LRP1B: variants seen among roughly 807,000 people sequenced by gnomAD.
The protein encoded by LRP1B is low-density lipoprotein receptor-related protein 1B.
LRP1B carries 217 observed loss-of-function variants against 556.6 expected under a neutral mutation model. The ratio of observed to expected loss-of-function variants is 0.39; its 90% CI spans 0.35 to 0.44. LRP1B has a LOEUF of 0.44. Ranked by LOEUF, LRP1B falls within the 20% of genes least tolerant of loss-of-function variation. The probability of loss-of-function intolerance (pLI) is 1.00; values close to 1 mark genes in which losing one functional copy is unlikely to be tolerated. For missense variants in LRP1B, 5,053 were observed against 5,620.8 expected (o/e 0.90, Z 3.23); for synonymous variants, 2,047 against 1,865.8 (o/e 1.10, Z -2.50).
At chr2:141,226,973 C>G (rs1316807896) in intron 6 of LRP1B, among the ~76,000 whole-genome samples, 1 of 152,116 alleles carries the variant, frequency 6.6e-6, no homozygotes. Context: ...TAAAATATTT[C>G]CAGTGAACTT....
chr2:140,756,371 C>A (rs1369949858), intron 35 of LRP1B, among the ~76,000 whole-genome samples: 1 of 151,930 alleles, frequency 6.6e-6, no homozygotes, highest in Non-Finnish European at 1.5e-5. Flanking sequence ...TCAAAAATAA[C>A]CAAAAAAGTC....
intron 3 of LRP1B, among the ~76,000 whole-genome samples, chr2:141,351,912 T>C (rs1254810157): frequency 6.6e-6 from 1 of 151,732 alleles, no homozygotes; most frequent in Non-Finnish European, 1.5e-5. Context: ...AGAGAAAGGA[T>C]CACAGATGGA....
At chr2:140,363,855 TTTTC>T (rs1442257118) in intron 72 of LRP1B, among the ~76,000 whole-genome samples, 1 of 151,648 alleles carries the variant, frequency 6.6e-6, no homozygotes, top group Non-Finnish European at 1.5e-5. Context: ...TCATGCTGTA[TTTTC>T]TTTATTTACC....
At chr2:140,330,232 TAA>T (rs1200627205) in intron 79 of LRP1B, among the ~76,000 whole-genome samples, 1 of 137,440 alleles carries the variant, frequency 7.3e-6, no homozygotes, top group East Asian at 2.0e-4. Context: ...ATAATAATAA[TAA>T]TAATAATATG....
rs188349371 is a variant in LRP1B, at chr2:141,222,680, A to G, written c.850+6503T>C. On this transcript the variant is annotated intron_variant, in intron 6 of 90. Transcript: ENST00000389484. ...CAGCAGCACATCCAAAAGTTTATCT[A>G]CCACAATCAAGTTGGCTTCATTACT... 1.6e-3 allele frequency among the ~76,000 whole-genome samples: 238 copies of G among 152,304 alleles called. 1 individual carries two copies. Among genetic ancestry groups the G allele is most frequent in the African/African-American group, 4.8e-3 (200 of 41,576 alleles).
At position 141,223,804 on chromosome 2, in the gene LRP1B, T is replaced by C. The variant is rs148782709; in HGVS notation, c.850+5379A>G. Among the ~76,000 whole-genome samples the C allele has an allele frequency of 6.5e-3, 985 of 152,262 alleles. 10 individuals carry two copies. The highest frequency in any genetic ancestry group is 0.026 in the Admixed American group (405 of 15,290). Reference sequence around the variant, plus strand: ...GGGAAATGATTCCCTATTTAATAAATGGTGCTGGGCAAACTGGCTAGCCAT... The same window carrying C: ...GGGAAATGATTCCCTATTTAATAAACGGTGCTGGGCAAACTGGCTAGCCAT... On this transcript the variant is annotated intron_variant, in intron 6 of 90. Coordinates refer to ENST00000389484, the MANE Select transcript of LRP1B (RefSeq NM_018557.3).
chr2:141,298,469 G>A (rs1686268440), intron 3 of LRP1B, among the ~76,000 whole-genome samples: 1 of 152,066 alleles, frequency 6.6e-6, no homozygotes, highest in African/African-American at 2.4e-5. Context: ...AAAAAATTAG[G>A]ACACTAAAGC....
chr2:140,691,488 C>CA (rs35775292), intron 41 of LRP1B, among the ~76,000 whole-genome samples: 8,271 of 92,624 alleles, frequency 0.089, 300 homozygotes, highest in Middle Eastern at 0.1. Context: ...AACTCCACCT[C>CA]AAAAAAAAAA....
chr2:141,768,081 A>G (rs987885266), intron 2 of LRP1B, among the ~76,000 whole-genome samples: 10 of 152,260 alleles, frequency 6.6e-5, no homozygotes, highest in Middle Eastern at 3.4e-3. Context: ...ATAATCCAAT[A>G]AATATCAAAT....
Position 141,896,295 on chromosome 2 carries a change from T to C in LRP1B, c.83-85894A>G, listed in dbSNP as rs139070279. On this transcript the variant is annotated intron_variant, in intron 1 of 90. Transcript: ENST00000389484. ...ACCATCTATAAATATAAAACTAGGA[T>C]TAATTTTAACATAGTATATAGTGCT... is the stretch of plus-strand genomic sequence containing the variant. 1.4e-3 allele frequency among the ~76,000 whole-genome samples: 213 copies of C among 152,268 alleles called. 2 individuals are homozygous for C. The highest frequency in any genetic ancestry group is 5.0e-3 in the African/African-American group (208 of 41,570).
chr2:140,528,736 A>G (rs536233965), intron 47 of LRP1B, among the ~76,000 whole-genome samples: 186 of 152,010 alleles, frequency 1.2e-3, no homozygotes, highest in Admixed American at 3.3e-3. Context: ...GGGGATTAAT[A>G]TTGCCTTCAT....
rs1276673256 is a variant in LRP1B, at chr2:140,701,760, G to A, written c.6388C>T (p.Leu2130=). Residue 2130 remains leucine (L), a synonymous_variant, in exon 40 of 91, where the codon CTG becomes TTG. Transcript: ENST00000389484. ...ITMRTGLGVN[L]KEVKIFNRVR... is the part of the protein sequence containing the mutation. ...CGGTTAAATATTTTAACCTCCTTCAGGTTGACTCCAAGGCCGGTTCTCATG... is the reference window on the plus strand; with the variant it reads ...CGGTTAAATATTTTAACCTCCTTCAAGTTGACTCCAAGGCCGGTTCTCATG... The A allele has an allele frequency of 6.2e-7, 1 of 1,612,864 alleles. No individual in the cohort carries two copies. The highest frequency in any genetic ancestry group is 1.3e-5 in the African/African-American group (1 of 74,816).
At position 141,015,722 on chromosome 2, in the gene LRP1B, C is replaced by T. The variant is rs1034458417; in HGVS notation, c.2164G>A (p.Val722Ile). 7 of 1,612,834 alleles carry T rather than the reference C, an allele frequency of 4.3e-6. No homozygotes were observed. Among genetic ancestry groups the T allele is most frequent in the South Asian group, 1.1e-5 (1 of 91,044 alleles). The stretch of plus-strand genomic sequence containing the variant: ...TTCCTGTGAGTCCCATTCAAAAATA[C>T]TTTTTCAATATGATCGTAATAGGCA... ...CDAYYDHIEK[V>I]FLNGTHRKIV... Residue 722 changes from valine to isoleucine, a missense_variant, in exon 13 of 91, where the codon GTA (valine) becomes ATA (isoleucine). By Grantham distance (29) the Val-to-Ile change is conservative (BLOSUM62 3). This residue lies in a region of LRP1B where 3,619 missense variants were observed against 3,931.9 expected (regional missense o/e 0.92). Coordinates refer to ENST00000389484, the MANE Select transcript of LRP1B (RefSeq NM_018557.3).
At chr2:140,468,453 G>A (rs1687636232) in intron 60 of LRP1B, among the ~76,000 whole-genome samples, 2 of 151,588 alleles carry the variant, frequency 1.3e-5, no homozygotes, top group Non-Finnish European at 2.9e-5. Flanking sequence ...CATGGGGTTG[G>A]GCCACTGCAG....
intron 3 of LRP1B, among the ~76,000 whole-genome samples, chr2:141,321,328 A>C (rs1407333673): frequency 6.6e-6 from 1 of 152,142 alleles, no homozygotes; most frequent in Non-Finnish European, 1.5e-5. Flanking sequence ...AATCAGGCAC[A>C]GCTTTAATCA....
intron 66 of LRP1B, among the ~76,000 whole-genome samples, chr2:140,438,191 G>T (rs6732209): frequency 2.0e-5 from 3 of 151,946 alleles, no homozygotes; most frequent in African/African-American, 4.8e-5. Context: ...TTTTTGTAGA[G>T]ATGGGATCTC....
At chr2:140,335,048 G>A (rs925238017) in intron 78 of LRP1B, among the ~76,000 whole-genome samples, 2 of 151,814 alleles carry the variant, frequency 1.3e-5, no homozygotes, top group Non-Finnish European at 2.9e-5. Flanking sequence ...TTACTCAGGA[G>A]TTATCAATCC....
chr2:141,464,604 A>ATTTTT (rs1415837703), intron 3 of LRP1B, among the ~76,000 whole-genome samples: 3 of 72,796 alleles, frequency 4.1e-5, no homozygotes, highest in African/African-American at 1.6e-4. Flanking sequence ...ATATATATAT[A>ATTTTT]TATTTTTTTA....
At chr2:141,943,982 C>A (rs1700887115) in intron 1 of LRP1B, among the ~76,000 whole-genome samples, 1 of 152,128 alleles carries the variant, frequency 6.6e-6, no homozygotes, top group South Asian at 2.1e-4. Flanking sequence ...ATCCCAGGTT[C>A]CCACAGGGGA....
Sources: gnomAD v4.1 joint callset for allele counts (sites outside exome capture counted in the v4.1 genomes callset) on GRCh38, gnomAD v4.1.1 for gene constraint, gnomAD v4.1.1 regional missense constraint, MANE v1.5 for transcripts, NCBI Gene and HGNC (gene_info 2026-07-23, HGNC 2026-07-21) for gene names.